NCKAP5: variants seen among roughly 807,000 people sequenced by gnomAD.
The protein encoded by NCKAP5 is nck-associated protein 5.
A neutral mutation model predicts 167.0 loss-of-function variants in NCKAP5; 92 were observed. That is an observed-to-expected ratio of 0.55 (90% CI 0.47 to 0.66). The LOEUF (loss-of-function observed/expected upper bound fraction) is 0.66, where lower values mean the gene tolerates loss of function less well. Among genes scored for constraint, NCKAP5 ranks in the 30% least tolerant of loss-of-function variants. The pLI, the probability that NCKAP5 is intolerant of heterozygous loss-of-function variation, is 0.00. For missense variants in NCKAP5, 2,378 were observed against 2,315.0 expected, an observed-to-expected ratio of 1.03 and a Z score of -0.56; for synonymous variants, 891 against 877.4, an observed-to-expected ratio of 1.02 and a Z score of -0.27.
At chr2:133,545,020 G>A (rs1453663881) in intron 2 of NCKAP5, among the ~76,000 whole-genome samples, 1 of 152,086 alleles carries the variant, frequency 6.6e-6, no homozygotes, top group Non-Finnish European at 1.5e-5. Context: ...AGTTTTGAAA[G>A]TCTGTTTAAG....
At chr2:132,914,755 A>G (rs1159885876) in intron 8 of NCKAP5, among the ~76,000 whole-genome samples, 1 of 152,064 alleles carries the variant, frequency 6.6e-6, no homozygotes, top group African/African-American at 2.4e-5. Context: ...CAAATGAGAT[A>G]GTTTTGTAAA....
At chr2:132,996,190 G>A (rs193151730) in intron 6 of NCKAP5, among the ~76,000 whole-genome samples, 2 of 152,208 alleles carry the variant, frequency 1.3e-5, no homozygotes, top group Non-Finnish European at 2.9e-5. Flanking sequence ...AGTATGTCAT[G>A]TTGAGAATGT....
At chr2:133,060,657 G>A (rs2079967799) in intron 6 of NCKAP5, among the ~76,000 whole-genome samples, 1 of 152,086 alleles carries the variant, frequency 6.6e-6, no homozygotes, top group Non-Finnish European at 1.5e-5. Flanking sequence ...GATTTCAACG[G>A]TGGGCCAATT....
At chr2:132,984,013 G>A (rs937215038) in intron 7 of NCKAP5, among the ~76,000 whole-genome samples, 9 of 152,268 alleles carry the variant, frequency 5.9e-5, no homozygotes, top group Admixed American at 1.3e-4. Context: ...TCCCAGTGAC[G>A]TTGGAGGCTG....
At chr2:132,894,394 C>T (rs1574546142) in intron 8 of NCKAP5, among the ~76,000 whole-genome samples, 1 of 152,260 alleles carries the variant, frequency 6.6e-6, no homozygotes, top group African/African-American at 2.4e-5. Context: ...AGATAAAGTG[C>T]CATGGGAGAT....
chr2:132,946,439 C>T (rs115490377), intron 8 of NCKAP5, among the ~76,000 whole-genome samples: 426 of 152,178 alleles, frequency 2.8e-3, no homozygotes, highest in African/African-American at 1.0e-2. Context: ...TAGGTGACAG[C>T]GGCCCTCAAA....
At chr2:133,181,546 C>T (rs1432693768) in intron 5 of NCKAP5, among the ~76,000 whole-genome samples, 1 of 138,068 alleles carries the variant, frequency 7.2e-6, no homozygotes, top group Non-Finnish European at 1.5e-5. Context: ...CTGGGCAGGT[C>T]GTTTGAGCCC....
chr2:133,385,011 C>T (rs562327270), intron 3 of NCKAP5, among the ~76,000 whole-genome samples: 2 of 152,238 alleles, frequency 1.3e-5, no homozygotes, highest in African/African-American at 4.8e-5. Context: ...ATTTGACTTC[C>T]TGTTTTCCTA....
intron 6 of NCKAP5, among the ~76,000 whole-genome samples, chr2:133,041,177 C>T (rs2079208103): frequency 6.6e-6 from 1 of 152,082 alleles, no homozygotes; most frequent in Admixed American, 6.6e-5. Context: ...ATGCTCTTTG[C>T]CTCTCTCTGA....
At chr2:133,521,811 A>T (rs1329409502) in intron 2 of NCKAP5, among the ~76,000 whole-genome samples, 1 of 152,188 alleles carries the variant, frequency 6.6e-6, no homozygotes, top group Non-Finnish European at 1.5e-5. Context: ...TTTGCAGGAG[A>T]CATGGTTCAG....
chr2:133,009,119 T>C (rs2078066976), intron 6 of NCKAP5, among the ~76,000 whole-genome samples: 1 of 152,222 alleles, frequency 6.6e-6, no homozygotes, highest in Admixed American at 6.5e-5. Flanking sequence ...CTAGGTCTAC[T>C]TGAGACCTAG....
chr2:133,102,374 C>G (rs2081543085), intron 6 of NCKAP5, among the ~76,000 whole-genome samples: 1 of 152,100 alleles, frequency 6.6e-6, no homozygotes, highest in South Asian at 2.1e-4. Context: ...GTCTCGATCT[C>G]CTGACCTCGT....
the NCKAP5 span, among the ~76,000 whole-genome samples, chr2:133,612,023 A>G: frequency 6.6e-6 from 1 of 152,178 alleles, no homozygotes; most frequent in East Asian, 1.9e-4. Context: ...GTATACTGTT[A>G]ACTTTGCCCA....
intron 6 of NCKAP5, among the ~76,000 whole-genome samples, chr2:133,039,705 T>C (rs1244591136): frequency 6.6e-6 from 1 of 152,202 alleles, no homozygotes; most frequent in African/African-American, 2.4e-5. Context: ...GTCTGGCCCA[T>C]GTAGTGCTAA....
chr2:133,568,811 C>T (rs1688740447), upstream of NCKAP5, among the ~76,000 whole-genome samples: 1 of 152,096 alleles, frequency 6.6e-6, no homozygotes, highest in South Asian at 2.1e-4. Flanking sequence ...AACTTCAGAG[C>T]CTGATGATTC....
intron 7 of NCKAP5, among the ~76,000 whole-genome samples, chr2:132,976,899 G>A (rs749645069): frequency 6.6e-6 from 1 of 151,952 alleles, no homozygotes; most frequent in East Asian, 1.9e-4. Flanking sequence ...TGTGTGTGTG[G>A]CAATTGCTGG....
chr2:133,653,811 G>T, the NCKAP5 span, among the ~76,000 whole-genome samples: 1 of 152,286 alleles, frequency 6.6e-6, no homozygotes, highest in South Asian at 2.1e-4. Flanking sequence ...CCTTTCTGTT[G>T]TTTTTGTCTA....
intron 7 of NCKAP5, among the ~76,000 whole-genome samples, chr2:132,990,326 C>T (rs548563896): frequency 3.9e-5 from 6 of 152,278 alleles, no homozygotes; most frequent in South Asian, 2.1e-4. Flanking sequence ...TCCCCACTCC[C>T]GAGCATCCTA....
At chr2:133,204,059 C>G (rs1363997069) in intron 5 of NCKAP5, among the ~76,000 whole-genome samples, 2 of 152,084 alleles carry the variant, frequency 1.3e-5, no homozygotes, top group African/African-American at 4.8e-5. Flanking sequence ...AGTTTATGAC[C>G]CTAGTGTCAG....
Sources: allele counts gnomAD v4.1 joint callset (sites outside exome capture counted in the v4.1 genomes callset), GRCh38; gene constraint gnomAD v4.1.1; transcripts MANE v1.5; gene names NCBI Gene and HGNC (gene_info 2026-07-23, HGNC 2026-07-21).